The following EXOC4 variants were observed in gnomAD, a reference collection of about 807,000 sequenced individuals.
EXOC4 encodes the protein SEC8-like 1.
A neutral mutation model predicts 107.2 loss-of-function variants in EXOC4; 71 were observed. The ratio of observed to expected loss-of-function variants is 0.66; its 90% CI spans 0.55 to 0.81. EXOC4 has a LOEUF of 0.81. Ranked by LOEUF, EXOC4 falls within the 30% of genes least tolerant of loss-of-function variation. The pLI is 0.00. For missense variants in EXOC4, 1,108 were observed against 1,189.6 expected, an observed-to-expected ratio of 0.93 and a Z score of 1.01; for synonymous variants, 456 against 441.2, an observed-to-expected ratio of 1.03 and a Z score of -0.42.
chr7:133,404,881 CCA>C (rs1248101372), intron 7 of EXOC4, among the ~76,000 whole-genome samples: 2 of 45,542 alleles, frequency 4.4e-5, no homozygotes, highest in African/African-American at 2.1e-4. Context: ...GCCCCCCCCC[CCA>C]ATACACACAC....
intron 14 of EXOC4, among the ~76,000 whole-genome samples, chr7:133,973,473 G>A (rs1793749923): frequency 6.6e-6 from 1 of 152,082 alleles, no homozygotes; most frequent in Admixed American, 6.6e-5. Context: ...AAGAAAATAT[G>A]GTGAGTTCAG....
intron 13 of EXOC4, among the ~76,000 whole-genome samples, chr7:133,921,730 A>G (rs1189707565): frequency 6.6e-6 from 1 of 152,108 alleles, no homozygotes; most frequent in Non-Finnish European, 1.5e-5. Flanking sequence ...AGGTATCTCT[A>G]ATTGATTTGG....
At chr7:133,619,370 A>G (rs1194405456) in intron 9 of EXOC4, among the ~76,000 whole-genome samples, 3 of 152,234 alleles carry the variant, frequency 2.0e-5, no homozygotes, top group African/African-American at 7.2e-5. Flanking sequence ...CGTGAAGACA[A>G]TGACAGCATT....
chr7:133,468,745 G>A (rs1333772876), intron 7 of EXOC4, among the ~76,000 whole-genome samples: 3 of 152,090 alleles, frequency 2.0e-5, no homozygotes, highest in Non-Finnish European at 2.9e-5. Context: ...TTTCTTCCAG[G>A]GATCATAGCT....
At chr7:133,301,218 G>T (rs1250211051) in intron 3 of EXOC4, among the ~76,000 whole-genome samples, 2 of 152,194 alleles carry the variant, frequency 1.3e-5, no homozygotes, top group Non-Finnish European at 2.9e-5. Flanking sequence ...GCAGGCAGCG[G>T]CAGGTAGGTG....
chr7:133,771,054 TGC>T (rs1796234615), intron 10 of EXOC4, among the ~76,000 whole-genome samples: 2 of 151,976 alleles, frequency 1.3e-5, no homozygotes, highest in African/African-American at 4.8e-5. Context: ...CAGAAGAGGC[TGC>T]AGGCAGTGAA....
At chr7:133,707,018 C>G (rs1210010971) in intron 10 of EXOC4, among the ~76,000 whole-genome samples, 1 of 151,894 alleles carries the variant, frequency 6.6e-6, no homozygotes, top group Non-Finnish European at 1.5e-5. Context: ...TGTCTCTATC[C>G]CAGTAAACCA....
chr7:133,504,980 A>G (rs1040022033), intron 9 of EXOC4, among the ~76,000 whole-genome samples: 1 of 152,064 alleles, frequency 6.6e-6, no homozygotes, highest in African/African-American at 2.4e-5. Context: ...GTTCAAAGCA[A>G]TGGGTTGGCA....
At chr7:134,078,269 T>C in the EXOC4 span, among the ~76,000 whole-genome samples, 2 of 151,928 alleles carry the variant, frequency 1.3e-5, no homozygotes, top group Non-Finnish European at 2.9e-5. Context: ...ACAGGAAAGC[T>C]TCTATGTAAA....
intron 5 of EXOC4, 111 bp from the exon 6 acceptor site, chr7:133,356,219 T>C: frequency 9.1e-7 from 1 of 1,100,026 alleles, no homozygotes; most frequent in Non-Finnish European, 1.3e-6. Context: ...AAAAATCCTC[T>C]TTAATTCTTT....
chr7:133,904,021 G>A (rs1015226062), intron 12 of EXOC4, among the ~76,000 whole-genome samples: 1 of 152,152 alleles, frequency 6.6e-6, no homozygotes, highest in South Asian at 2.1e-4. Flanking sequence ...AACTGGATGG[G>A]TGTGGCCTTA....
chr7:134,029,901 C>T (rs1331714520), intron 17 of EXOC4, among the ~76,000 whole-genome samples: 1 of 152,150 alleles, frequency 6.6e-6, no homozygotes, highest in African/African-American at 2.4e-5. Context: ...CTCTCCACTG[C>T]TTTCTAAAAT....
intron 17 of EXOC4, among the ~76,000 whole-genome samples, chr7:134,045,757 C>A (rs1265737910): frequency 6.6e-6 from 1 of 152,068 alleles, no homozygotes; most frequent in Non-Finnish European, 1.5e-5. Flanking sequence ...AACCCCATAT[C>A]CATTAGCAGT....
chr7:133,711,098 T>C (rs943663978), intron 10 of EXOC4, among the ~76,000 whole-genome samples: 1 of 152,236 alleles, frequency 6.6e-6, no homozygotes, highest in East Asian at 1.9e-4. Context: ...CTGTTGGTGA[T>C]TGAGGCATTT....
intron 10 of EXOC4, among the ~76,000 whole-genome samples, chr7:133,747,229 C>A (rs1408623598): frequency 6.6e-6 from 1 of 152,092 alleles, no homozygotes; most frequent in Non-Finnish European, 1.5e-5. Flanking sequence ...CTTCAGTTTT[C>A]TGAAATACCA....
intron 14 of EXOC4, among the ~76,000 whole-genome samples, chr7:133,970,393 GA>G (rs1271672110): frequency 2.7e-5 from 4 of 150,102 alleles, no homozygotes; most frequent in African/African-American, 4.9e-5. Context: ...ACTGTGGTAT[GA>G]AAAAAAAAAT....
At position 133,419,964 on chromosome 7, in the gene EXOC4, CTT is replaced by C. The variant is rs60203961; in HGVS notation, c.1182+44979_1182+44980del. Among the ~76,000 whole-genome samples the C allele has an allele frequency of 8.9e-3, 1,200 of 134,422 alleles. 8 individuals carry two copies. The highest frequency in any genetic ancestry group is 0.012 in the African/African-American group (444 of 36,500). The allele number at this position is 134,422 out of a possible 152,430, so 88.2% of individuals were successfully genotyped here. A position where few individuals can be genotyped will look rare whatever the true frequency, so the allele number is the denominator to read the frequency against. ...TCAACTGAGGAAGAGTCTGCTTCTT[CTT>C]TTTTTTTTTTTTTTTTATTATACTT... is the stretch of plus-strand genomic sequence containing the variant. On this transcript the variant is annotated intron_variant, in intron 7 of 17. Coordinates refer to ENST00000253861, the MANE Select transcript of EXOC4 (RefSeq NM_021807.4).
intron 3 of EXOC4, among the ~76,000 whole-genome samples, chr7:133,303,615 T>G (rs940533574): frequency 5.9e-5 from 9 of 152,184 alleles, no homozygotes; most frequent in Admixed American, 2.6e-4. Flanking sequence ...TATGAATAAG[T>G]GAAGGCCAGA....
At chr7:133,961,479 G>A (rs942132112) in intron 14 of EXOC4, among the ~76,000 whole-genome samples, 5 of 151,748 alleles carry the variant, frequency 3.3e-5, no homozygotes, top group African/African-American at 1.2e-4. Context: ...GTAAAGACGC[G>A]GTTTTGCCAT....
Sources: allele counts gnomAD v4.1 joint callset (sites outside exome capture counted in the v4.1 genomes callset), GRCh38; gene constraint gnomAD v4.1.1; transcripts MANE v1.5; gene names NCBI Gene and HGNC (gene_info 2026-07-23, HGNC 2026-07-21).